The following UBASH3A variants were observed in gnomAD, a reference collection of about 807,000 sequenced individuals.
UBASH3A encodes ubiquitin-associated and SH3 domain-containing protein A.
Under a neutral mutation model 73.5 loss-of-function variants are expected in UBASH3A, and 63 were observed. The ratio of observed to expected loss-of-function variants is 0.86; its 90% CI spans 0.70 to 1.06. The LOEUF is 1.06. Ranked by LOEUF, UBASH3A falls within the 50% of genes least tolerant of loss-of-function variation. The pLI, the probability that UBASH3A is intolerant of heterozygous loss-of-function variation, is 0.00. For synonymous variants in UBASH3A, 363 were observed against 351.1 expected (o/e 1.03, Z -0.38); for missense variants, 860 against 859.0 (o/e 1.00, Z -0.02).
chr21:42,410,795 CAGAT>C (rs1013767745), intron 3 of UBASH3A, among the ~76,000 whole-genome samples: 2 of 151,338 alleles, frequency 1.3e-5, no homozygotes, highest in Middle Eastern at 3.2e-3. Flanking sequence ...CACACACACA[CAGAT>C]AGACACAGAG....
Position 42,424,412 on chromosome 21 carries a change from G to A in UBASH3A, c.1047-2285G>A, listed in dbSNP as rs141035553. Among the ~76,000 whole-genome samples the A allele has an allele frequency of 5.9e-5, 9 of 152,294 alleles. 1 individual carries two copies. The highest frequency in any genetic ancestry group is 1.9e-4 in the East Asian group (1 of 5,180). ...CAGGGATTCTTTGGACTTATCTACC[G>A]CAAAATCACACTGTAATGTTTGTCC... On this transcript the variant is annotated intron_variant, in intron 7 of 14. Transcript: ENST00000319294.
At chr21:42,431,289 G>C (rs1467318644) in intron 8 of UBASH3A, among the ~76,000 whole-genome samples, 1 of 152,230 alleles carries the variant, frequency 6.6e-6, no homozygotes, top group Non-Finnish European at 1.5e-5. Context: ...AGGGTAGCCA[G>C]CCTCGCTGCC....
In UBASH3A at chr21:42,413,202, C is replaced by A. The variant is rs759782987; in HGVS notation, c.533C>A (p.Thr178Lys). Residue 178 changes from threonine (T) to lysine (K), a missense_variant, in exon 4 of 15, where the codon ACG becomes AAG. Transcript: ENST00000319294. This position sits in a 1 kb window ranked among gnomAD's most constrained non-coding sequence, Gnocchi z 4.5. The part of the protein sequence containing the change: ...VIREFAMTFA[T>K]EASLLAGTSV... ...CGGGAATTCGCCATGACCTTCGCCA[C>A]GGAAGCATCTCTCTTAGCAGGTGGG... 1 of 1,614,100 alleles carries A rather than the reference C, an allele frequency of 6.2e-7. No individual in the cohort carries two copies. Among genetic ancestry groups the A allele is most frequent in the African/African-American group, 1.3e-5 (1 of 74,938 alleles).
chr21:42,421,001 C>T (rs956579276), intron 7 of UBASH3A, among the ~76,000 whole-genome samples: 2 of 152,180 alleles, frequency 1.3e-5, no homozygotes, highest in African/African-American at 4.8e-5. Context: ...TCTTGTAGCC[C>T]ACCCTGATCA....
At chr21:42,409,052 T>C (rs1217921234) in intron 2 of UBASH3A, among the ~76,000 whole-genome samples, 1 of 152,214 alleles carries the variant, frequency 6.6e-6, no homozygotes, top group African/African-American at 2.4e-5. Flanking sequence ...AAAATACAAA[T>C]GTGAGGTTTT....
intron 13 of UBASH3A, among the ~76,000 whole-genome samples, chr21:42,443,850 C>A (rs1227678624): frequency 6.6e-6 from 1 of 151,054 alleles, no homozygotes; most frequent in Non-Finnish European, 1.5e-5. Context: ...CATCCTGGGA[C>A]TGAATGCTGA....
At chr21:42,418,737 A>G in intron 7 of UBASH3A, 128 bp downstream of exon 7, 2 of 832,398 alleles carry the variant, frequency 2.4e-6, no homozygotes, top group Non-Finnish European at 3.7e-6. Flanking sequence ...ATGCTGACAA[A>G]ATTATTCCTG....
Position 42,413,547 on chromosome 21 carries a change from A to G in UBASH3A, c.667+24A>G. On this transcript the variant is annotated intron_variant, in intron 5 of 14. Coordinates refer to ENST00000319294, the MANE Select transcript of UBASH3A (RefSeq NM_018961.4). This position sits in a 1 kb window ranked among gnomAD's most constrained non-coding sequence, Gnocchi z 4.5. ...ATGTAAGCCATTAGAAAGCTTCCGG[A>G]CCAGCTTTGGTCTTCTCTTTAGGCG... 6.4e-7 allele frequency: 1 copy of G among 1,552,394 alleles called. No homozygotes were observed. The highest frequency in any genetic ancestry group is 1.7e-5 in the Admixed American group (1 of 58,702).
chr21:42,417,506 T>C (rs550735293), intron 6 of UBASH3A: 2 of 152,118 alleles, frequency 1.3e-5, no homozygotes, highest in East Asian at 3.8e-4. Context: ...TAATTCTTTT[T>C]TATTTATTTA....
intron 8 of UBASH3A, among the ~76,000 whole-genome samples, chr21:42,428,514 T>C (rs993925287): frequency 6.6e-6 from 1 of 152,144 alleles, no homozygotes; most frequent in Non-Finnish European, 1.5e-5. Flanking sequence ...ATAAGGACTT[T>C]CAGCTATTTA....
chr21:42,416,590 C>T lies in UBASH3A; in HGVS notation c.816C>T (p.Asp272=). 2.5e-6 allele frequency: 4 copies of T among 1,599,778 alleles called. No individual in the cohort carries two copies. Among genetic ancestry groups the T allele is most frequent in the African/African-American group, 2.7e-5 (2 of 74,254 alleles). Residue 272 remains aspartate, a synonymous_variant, in exon 6 of 15, where the codon GAC becomes GAT. Coordinates refer to ENST00000319294, the MANE Select transcript of UBASH3A (RefSeq NM_018961.4). ...CQWTAALYSR[D]MRFVHYQTLR... is the part of the protein sequence containing the mutation. ...GGACCGCAGCACTCTACTCCCGAGACATGCGCTTTGTGCACTACCAGGTGA... is the reference window on the plus strand; with the variant it reads ...GGACCGCAGCACTCTACTCCCGAGATATGCGCTTTGTGCACTACCAGGTGA...
chr21:42,440,928 C>T (rs1203950180), intron 11 of UBASH3A, among the ~76,000 whole-genome samples: 1 of 152,190 alleles, frequency 6.6e-6, no homozygotes, highest in Non-Finnish European at 1.5e-5. Flanking sequence ...CACTTATTCC[C>T]ATTTTTGGTG....
chr21:42,437,467 G>A, intron 10 of UBASH3A, 21 bp from the exon 11 acceptor site: 1 of 1,608,824 alleles, frequency 6.2e-7, no homozygotes, highest in Non-Finnish European at 8.5e-7. Context: ...GGCATTTTCT[G>A]CCTTTTTCAC....
At chr21:42,444,900 T>C (rs2053820463) in intron 14 of UBASH3A, among the ~76,000 whole-genome samples, 1 of 152,114 alleles carries the variant, frequency 6.6e-6, no homozygotes, top group Admixed American at 6.5e-5. Flanking sequence ...CCATGACCCC[T>C]TGCAGCTCTC....
intron 10 of UBASH3A, chr21:42,435,358 T>C (rs4101): frequency 0.11 from 17,430 of 158,330 alleles, 1,061 homozygotes; most frequent in East Asian, 0.19. Flanking sequence ...GTTCTGCTTC[T>C]ACGTGACTGA....
At chr21:42,445,760 G>A (rs960214911) in intron 14 of UBASH3A, among the ~76,000 whole-genome samples, 1 of 152,152 alleles carries the variant, frequency 6.6e-6, no homozygotes. Context: ...TGTCTCCAGG[G>A]TGGTGTGTCC....
rs371725608 is a variant in UBASH3A at position 42,405,988 on chromosome 21, G to T, written c.114-320G>T. Among the ~76,000 whole-genome samples, 777 of 147,816 alleles carry T rather than the reference G, an allele frequency of 5.3e-3. 14 individuals are homozygous for T. The highest frequency in any genetic ancestry group is 0.011 in the Admixed American group (167 of 14,980). ...GGTCCATTTGATCTAGGCAGTGGGG[G>T]GGGGGGGGGCAGGCCAGGGAGAGGG... On this transcript the variant is annotated intron_variant, in intron 1 of 14. Coordinates refer to ENST00000319294, the MANE Select transcript of UBASH3A (RefSeq NM_018961.4).
rs9983339 is a variant in UBASH3A, at chr21:42,424,312, G to C, written c.1047-2385G>C. Among the ~76,000 whole-genome samples the C allele has an allele frequency of 4.2e-3, 643 of 152,288 alleles. 3 individuals are homozygous for C. The highest frequency in any genetic ancestry group is 6.6e-3 in the Non-Finnish European group (450 of 68,020). ...TAAGAGTCTGCAGCTCTGATGAATA[G>C]TACTTGTCAATTAACACACCAGTCA... is the stretch of plus-strand genomic sequence containing the variant. On this transcript the variant is annotated intron_variant, in intron 7 of 14. Coordinates refer to ENST00000319294, the MANE Select transcript of UBASH3A (RefSeq NM_018961.4).
At chr21:42,432,260 TCTC>T in intron 9 of UBASH3A, 58 bp downstream of exon 9, 3 of 1,167,468 alleles carry the variant, frequency 2.6e-6, no homozygotes, top group Non-Finnish European at 3.8e-6. Flanking sequence ...ACCAATGAGA[TCTC>T]CTTCTTAATG....
Sources: gnomAD v4.1 joint callset for allele counts (sites outside exome capture counted in the v4.1 genomes callset) on GRCh38, gnomAD v4.1.1 for gene constraint, Gnocchi (gnomAD v3.1) non-coding constraint, MANE v1.5 for transcripts, NCBI Gene and HGNC (gene_info 2026-07-23, HGNC 2026-07-21) for gene names.